Variants in PLSCR2 observed in about 807,000 individuals in gnomAD.
PLSCR2 encodes phospholipid scramblase 2, also known as PL scramblase 2.
Under a neutral mutation model 25.3 loss-of-function variants are expected in PLSCR2, and 18 were observed. The ratio of observed to expected loss-of-function variants is 0.71; its 90% CI spans 0.49 to 1.06. The LOEUF (loss-of-function observed/expected upper bound fraction) is 1.06. Ranked by LOEUF, PLSCR2 falls within the 50% of genes least tolerant of loss-of-function variation. The pLI is 0.00. For synonymous variants in PLSCR2, 88 were observed against 87.3 expected (o/e 1.01, Z -0.04); for missense variants, 243 against 269.5 (o/e 0.90, Z 0.69).
chr3:146,449,393 TAAA>T (rs745770154), intron 5 of PLSCR2, 26 bp from the exon 6 acceptor site: 1 of 1,390,464 alleles, frequency 7.2e-7, no homozygotes, highest in South Asian at 1.3e-5. Flanking sequence ...AAAAAAAACT[TAAA>T]AATTTCTAGA....
intron 1 of PLSCR2, chr3:146,469,287 G>A (rs2042008098): frequency 4.1e-6 from 4 of 985,460 alleles, no homozygotes; most frequent in South Asian, 4.7e-5. Flanking sequence ...CTTGTCATTC[G>A]AACGGTTCTG....
chr3:146,457,982 G>C (rs1439162519), intron 3 of PLSCR2, among the ~76,000 whole-genome samples: 2 of 152,158 alleles, frequency 1.3e-5, no homozygotes, highest in African/African-American at 4.8e-5. Context: ...CGTGGTGTTT[G>C]TATAGAACTT....
chr3:146,482,876 C>G (rs528760175), intron 1 of PLSCR2, among the ~76,000 whole-genome samples: 3 of 152,044 alleles, frequency 2.0e-5, no homozygotes, highest in African/African-American at 7.2e-5. Flanking sequence ...ATATACACAC[C>G]GTGGAATACT....
upstream of PLSCR2, chr3:146,461,923 G>A (rs1285645897): frequency 1.3e-5 from 20 of 1,497,962 alleles, no homozygotes; most frequent in East Asian, 5.0e-4. Flanking sequence ...ATTTACAAGG[G>A]AAAACACAGC....
At chr3:146,400,781 C>CGT (rs2038443609) in intron 2 of PLSCR2, among the ~76,000 whole-genome samples, 1 of 151,458 alleles carries the variant, frequency 6.6e-6, no homozygotes. Flanking sequence ...ATCCTAGCTC[C>CGT]GTGTGTGTAT....
At chr3:146,405,894 G>C (rs761372648) in intron 2 of PLSCR2, among the ~76,000 whole-genome samples, 1 of 152,068 alleles carries the variant, frequency 6.6e-6, no homozygotes, top group Admixed American at 6.6e-5. Context: ...GAATGGTGGA[G>C]GAACAGTTAA....
At chr3:146,394,085 T>C (rs539110780) in intron 3 of PLSCR2, among the ~76,000 whole-genome samples, 1 of 152,248 alleles carries the variant, frequency 6.6e-6, no homozygotes, top group South Asian at 2.1e-4. Context: ...TGTTTCTGTT[T>C]CTATTTTTTG....
chr3:146,462,672 G>A (rs1317517782), upstream of PLSCR2, among the ~76,000 whole-genome samples: 1 of 151,944 alleles, frequency 6.6e-6, no homozygotes, highest in Non-Finnish European at 1.5e-5. Flanking sequence ...TCACCATGTT[G>A]GCCAGGCTGG....
chr3:146,404,014 C>T (rs2038567347), intron 2 of PLSCR2, among the ~76,000 whole-genome samples: 1 of 152,114 alleles, frequency 6.6e-6, no homozygotes, highest in South Asian at 2.1e-4. Context: ...ATTTTTCCCA[C>T]CAAACCACTC....
At chr3:146,483,077 C>T (rs916915013) in intron 1 of PLSCR2, among the ~76,000 whole-genome samples, 4 of 151,818 alleles carry the variant, frequency 2.6e-5, no homozygotes, top group African/African-American at 9.7e-5. Context: ...GTCAAATTGT[C>T]CCTGTTTGCA....
chr3:146,454,104 T>A, exon 5 of PLSCR2: 6 of 1,610,434 alleles, frequency 3.7e-6, no homozygotes, highest in Non-Finnish European at 5.1e-6. Context: ...TTGTTAGACA[T>A]GGGTGCCAGG....
chr3:146,434,327 C>T lies in PLSCR2; in HGVS notation c.*35-810G>A, dbSNP rs376891305. ...ATGAAGGATAATTTGAACAGGTATT[C>T]CACTTTTCAAATCACTTCTAAATAT... On this transcript the variant is annotated intron_variant, in intron 8 of 8. Coordinates refer to the PLSCR2 transcript ENST00000336685. Among the ~76,000 whole-genome samples, 57 of 152,094 alleles carry T rather than the reference C, an allele frequency of 3.7e-4. No individual in the cohort carries two copies. In the South Asian group the frequency reaches 0.011, roughly 29 times the overall value.
intron 2 of PLSCR2, among the ~76,000 whole-genome samples, chr3:146,402,621 C>T (rs1371631930): frequency 6.6e-6 from 1 of 152,064 alleles, no homozygotes; most frequent in Non-Finnish European, 1.5e-5. Flanking sequence ...GCGCGTGCCA[C>T]CATACCCAGC....
At chr3:146,441,842 A>G in intron 6 of PLSCR2, 21 bp from the exon 7 acceptor site, 4 of 1,527,718 alleles carry the variant, frequency 2.6e-6, no homozygotes, top group Non-Finnish European at 2.7e-6. Context: ...ACAAAAATAC[A>G]GAAATGAATT....
intron 2 of PLSCR2, among the ~76,000 whole-genome samples, chr3:146,409,635 C>T (rs1376076096): frequency 6.6e-6 from 1 of 152,062 alleles, no homozygotes; most frequent in Non-Finnish European, 1.5e-5. Context: ...CATTCTATCC[C>T]GCAGAGTGTC....
At chr3:146,494,075 T>C (rs1576761655) in intron 1 of PLSCR2, among the ~76,000 whole-genome samples, 2 of 152,094 alleles carry the variant, frequency 1.3e-5, no homozygotes, top group African/African-American at 4.8e-5. Flanking sequence ...CACTGTTCTA[T>C]GATAGTTTCA....
At chr3:146,460,298 C>T (rs115476748) in exon 1 of PLSCR2, 48,460 of 1,047,174 alleles carry the variant, frequency 0.046, 1,315 homozygotes, top group Admixed American at 0.09. Context: ...TGAATAGAGT[C>T]GGCCTAGAGC....
intron 2 of PLSCR2, among the ~76,000 whole-genome samples, chr3:146,409,844 C>A (rs2038787140): frequency 6.6e-6 from 1 of 152,110 alleles, no homozygotes; most frequent in Admixed American, 6.5e-5. Flanking sequence ...CAGAAAAACT[C>A]ACTCCCTGGG....
chr3:146,490,254 G>A (rs570612590), intron 1 of PLSCR2, among the ~76,000 whole-genome samples: 3 of 152,200 alleles, frequency 2.0e-5, no homozygotes, highest in African/African-American at 7.2e-5. Flanking sequence ...CCATTTGGAG[G>A]AAATTTGAAA....
Sources: allele counts gnomAD v4.1 joint callset (sites outside exome capture counted in the v4.1 genomes callset), GRCh38; gene constraint gnomAD v4.1.1; transcripts MANE v1.5; gene names NCBI Gene and HGNC (gene_info 2026-07-23, HGNC 2026-07-21).